CPQ: variants seen among roughly 807,000 people sequenced by gnomAD.
The protein encoded by CPQ is Ser-Met dipeptidase.
A neutral mutation model predicts 45.7 loss-of-function variants in CPQ; 37 were observed. That is an observed-to-expected ratio of 0.81 (90% CI 0.62 to 1.07). The LOEUF (loss-of-function observed/expected upper bound fraction) is 1.07. Among genes scored for constraint, CPQ ranks in the 50% least tolerant of loss-of-function variants. The pLI, the probability that CPQ is intolerant of heterozygous loss-of-function variation, is 0.00. For synonymous variants in CPQ, 186 were observed against 205.8 expected, an observed-to-expected ratio of 0.90 and a Z score of 0.82; for missense variants, 537 against 572.9, an observed-to-expected ratio of 0.94 and a Z score of 0.64.
chr8:97,022,816 T>TG (rs1451009840), intron 5 of CPQ, among the ~76,000 whole-genome samples: 2 of 151,738 alleles, frequency 1.3e-5, no homozygotes, highest in Non-Finnish European at 2.9e-5. Context: ...TGGAAAACAG[T>TG]GGGGAGATTC....
chr8:96,654,586 G>A (rs1175762241), intron 1 of CPQ, among the ~76,000 whole-genome samples: 1 of 152,126 alleles, frequency 6.6e-6, no homozygotes, highest in Non-Finnish European at 1.5e-5. Flanking sequence ...GGGGCAAGTA[G>A]GACACTTGGA....
chr8:96,715,295 C>T (rs2130757149), intron 1 of CPQ, among the ~76,000 whole-genome samples: 1 of 152,240 alleles, frequency 6.6e-6, no homozygotes. Flanking sequence ...ATTAGCTTCC[C>T]AGCCAGGCCA....
intron 5 of CPQ, among the ~76,000 whole-genome samples, chr8:97,008,796 G>A (rs1809431926): frequency 6.6e-6 from 1 of 152,206 alleles, no homozygotes; most frequent in African/African-American, 2.4e-5. Flanking sequence ...AAAAAGTAAA[G>A]GAACTAATGC....
At chr8:96,790,674 G>A (rs1465903705) in intron 2 of CPQ, among the ~76,000 whole-genome samples, 4 of 152,132 alleles carry the variant, frequency 2.6e-5, no homozygotes, top group African/African-American at 4.8e-5. Context: ...TGTAACATGG[G>A]GCTGGGGGTG....
At chr8:96,724,748 TA>T (rs1380759034) in intron 1 of CPQ, among the ~76,000 whole-genome samples, 2 of 152,116 alleles carry the variant, frequency 1.3e-5, no homozygotes, top group African/African-American at 4.8e-5. Flanking sequence ...CAGAATTAGA[TA>T]AAAACAATTC....
intron 1 of CPQ, among the ~76,000 whole-genome samples, chr8:96,696,208 G>A (rs1241360524): frequency 2.0e-4 from 30 of 150,814 alleles, no homozygotes; most frequent in Non-Finnish European, 3.4e-4. Context: ...ACCAAACACC[G>A]CATATTCTCA....
Position 97,115,550 on chromosome 8 carries a change from A to G in CPQ, c.1256-27470A>G, listed in dbSNP as rs1342382942. Among the ~76,000 whole-genome samples, 6 of 152,336 alleles carry G rather than the reference A, an allele frequency of 3.9e-5. No homozygotes were observed. In the East Asian group the frequency reaches 9.6e-4, roughly 24 times the overall value. ...TGAAACCAGACTTCATGGCAATTTG[A>G]AAACGTCTGTGCCATTTTTAAATTT... On this transcript the variant is annotated intron_variant, in intron 7 of 7. Transcript: ENST00000220763.
chr8:96,934,781 A>C (rs764140165), intron 4 of CPQ, among the ~76,000 whole-genome samples: 18 of 152,238 alleles, frequency 1.2e-4, no homozygotes, highest in Admixed American at 8.5e-4. Flanking sequence ...AGTATGTCAA[A>C]GCTTAGAGGG....
intron 6 of CPQ, among the ~76,000 whole-genome samples, chr8:97,061,061 T>G (rs1236983559): frequency 1.3e-5 from 2 of 152,112 alleles, no homozygotes; most frequent in Non-Finnish European, 2.9e-5. Context: ...TATATATAAA[T>G]AGAAAACAAT....
At position 96,672,649 on chromosome 8, in the gene CPQ, G is replaced by A. The variant is rs905122179; in HGVS notation, c.-35+27247G>A. On this transcript the variant is annotated intron_variant, in intron 1 of 7. Transcript: ENST00000220763. ...AAAAATTAGCTGGGCTTGGTGGTGC[G>A]TGCCTGTAATCCTAGATACTCTGGA... Among the ~76,000 whole-genome samples the A allele has an allele frequency of 4.6e-5, 7 of 151,868 alleles. No homozygotes were observed. The East Asian group carries it at 5.8e-4, about 13-fold the overall frequency.
intron 3 of CPQ, among the ~76,000 whole-genome samples, chr8:96,876,633 TA>T (rs1225718268): frequency 5.9e-5 from 9 of 152,160 alleles, no homozygotes; most frequent in Non-Finnish European, 1.2e-4. Flanking sequence ...GATTTTATCA[TA>T]AAAAAGTGCT....
intron 4 of CPQ, among the ~76,000 whole-genome samples, chr8:96,934,590 T>A (rs912236431): frequency 3.3e-5 from 5 of 152,164 alleles, no homozygotes; most frequent in African/African-American, 9.6e-5. Context: ...GTCATTGAAG[T>A]TAGTCTGTGC....
intron 1 of CPQ, among the ~76,000 whole-genome samples, chr8:96,722,678 C>G (rs1277695245): frequency 3.3e-5 from 5 of 152,138 alleles, no homozygotes; most frequent in Non-Finnish European, 7.4e-5. Context: ...ACCTTAAAAT[C>G]TTAGTGGCTT....
At chr8:96,774,107 C>T (rs1415183935) in intron 1 of CPQ, among the ~76,000 whole-genome samples, 1 of 151,990 alleles carries the variant, frequency 6.6e-6, no homozygotes, top group Non-Finnish European at 1.5e-5. Flanking sequence ...CCCATCTCTA[C>T]TAAAAATAGA....
At chr8:97,132,675 T>C (rs1330481970) in intron 7 of CPQ, among the ~76,000 whole-genome samples, 1 of 152,186 alleles carries the variant, frequency 6.6e-6, no homozygotes, top group African/African-American at 2.4e-5. Context: ...GGAAATAATC[T>C]TTAGGGTGTT....
rs3036420 is a variant in CPQ at position 96,767,493 on chromosome 8, C to CTTT, written c.-34-17361_-34-17359dup. On this transcript the variant is annotated intron_variant, in intron 1 of 7. Coordinates refer to ENST00000220763, the MANE Select transcript of CPQ (RefSeq NM_016134.4). ...CAGTGGGCACTTGGGCTCCAAGTAT[C>CTTT]TTTTTTTTTTTTAAGTTCATCTTCA... 4.0e-3 allele frequency among the ~76,000 whole-genome samples: 584 copies of CTTT among 147,244 alleles called. 7 individuals carry two copies. The highest frequency in any genetic ancestry group is 0.011 in the African/African-American group (427 of 40,118).
chr8:97,114,377 GAGCT>G (rs1811548297), intron 7 of CPQ, among the ~76,000 whole-genome samples: 1 of 152,174 alleles, frequency 6.6e-6, no homozygotes, highest in Non-Finnish European at 1.5e-5. Flanking sequence ...GTATGAACTT[GAGCT>G]ATTTGCATAT....
intron 5 of CPQ, among the ~76,000 whole-genome samples, chr8:96,970,565 CT>C (rs34088987): frequency 0.013 from 1,909 of 142,224 alleles, 12 homozygotes; most frequent in African/African-American, 0.021. Flanking sequence ...GCCCAACACT[CT>C]TTTTTTTTTT....
At chr8:97,034,963 G>A (rs1809972225) in intron 6 of CPQ, among the ~76,000 whole-genome samples, 1 of 150,954 alleles carries the variant, frequency 6.6e-6, no homozygotes, top group East Asian at 1.9e-4. Context: ...CACGATCTCA[G>A]CTCACTGCAA....
Sources: gnomAD v4.1 joint callset for allele counts (sites outside exome capture counted in the v4.1 genomes callset) on GRCh38, gnomAD v4.1.1 for gene constraint, MANE v1.5 for transcripts, NCBI Gene and HGNC (gene_info 2026-07-23, HGNC 2026-07-21) for gene names.